KCNQ1: variants seen among roughly 807,000 people sequenced by gnomAD.
KCNQ1 encodes the protein potassium voltage-gated channel subfamily KQT member 1.
KCNQ1 carries 49 observed loss-of-function variants against 72.4 expected under a neutral mutation model. That is an observed-to-expected ratio of 0.68 (90% CI 0.54 to 0.86). The LOEUF (loss-of-function observed/expected upper bound fraction) is 0.86, where lower values mean the gene tolerates loss of function less well. Ranked by LOEUF, KCNQ1 falls within the 40% of genes least tolerant of loss-of-function variation. The probability of loss-of-function intolerance (pLI) is 0.00; values close to 1 mark genes in which losing one functional copy is unlikely to be tolerated. For synonymous variants in KCNQ1, 450 were observed against 412.6 expected, an observed-to-expected ratio of 1.09 and a Z score of -1.10; for missense variants, 790 against 945.1, an observed-to-expected ratio of 0.84 and a Z score of 2.15.
rs564150799 is a variant in KCNQ1 at position 2,680,093 on chromosome 11, T to G, written c.1514+18012T>G. 7.8e-4 allele frequency: 307 copies of G among 395,812 alleles called. 2 individuals are homozygous for G. The South Asian group carries it at 0.037, about 48-fold the overall frequency. The allele number at this position is 395,812 out of a possible 1,614,324, so 24.5% of individuals were successfully genotyped here. On this transcript the variant is annotated intron_variant, in intron 11 of 15. Transcript: ENST00000155840. ...TTTTATTAGAGACAGGGTTTCACCA[T>G]GTTGGCCAGGCTGGTCTCAAACTCC...
intron 1 of KCNQ1, among the ~76,000 whole-genome samples, chr11:2,517,386 G>C (rs978251224): frequency 1.3e-5 from 2 of 152,180 alleles, no homozygotes; most frequent in African/African-American, 2.4e-5. Context: ...ATGGCATTCT[G>C]TCTGCACCGA....
chr11:2,572,858 A>G lies in KCNQ1; in HGVS notation c.793A>G (p.Thr265Ala). ...TTTTCTGGCCTAGGAGCTGATAACC[A>G]CCCTGTACATCGGCTTCCTGGGCCT... Reference protein sequence around the residue: ...VFIHRQELITTLYIGFLGLIF... With the variant: ...VFIHRQELITALYIGFLGLIF... The change falls in exon 6 of 16, where the codon ACC becomes GCC. Residue 265 changes from threonine (T) to alanine (A), a missense_variant. By Grantham distance (58) the Thr-to-Ala change is moderately conservative (BLOSUM62 0). This residue lies in a region of KCNQ1 where 133 missense variants were observed against 219.5 expected (regional missense o/e 0.61). Transcript: ENST00000155840. 2 of 1,613,726 alleles carry G rather than the reference A, an allele frequency of 1.2e-6. No individual in the cohort carries two copies. Among genetic ancestry groups the G allele is most frequent in the Non-Finnish European group, 1.7e-6 (2 of 1,179,986 alleles).
At position 2,547,837 on chromosome 11, in the gene KCNQ1, A is replaced by T. The variant is rs1390553935; in HGVS notation, c.477+19819A>T. Among the ~76,000 whole-genome samples the T allele has an allele frequency of 6.6e-6, 1 of 152,156 alleles. No homozygotes were observed. The highest frequency in any genetic ancestry group is 2.4e-5 in the African/African-American group (1 of 41,430). On this transcript the variant is annotated intron_variant, in intron 2 of 15. Coordinates refer to ENST00000155840, the MANE Select transcript of KCNQ1 (RefSeq NM_000218.3). This position sits in a 1 kb window ranked among gnomAD's most constrained non-coding sequence, Gnocchi z 4.2. Reference sequence around the variant, plus strand: ...GCTGCGAGTCTCTGTATGGAGGTGAAGGTCCAGATGTTGGGGTTTCAGGGT... The same window carrying T: ...GCTGCGAGTCTCTGTATGGAGGTGATGGTCCAGATGTTGGGGTTTCAGGGT...
Position 2,668,513 on chromosome 11 carries a change from G to A in KCNQ1, c.1514+6432G>A. The A allele has an allele frequency of 2.5e-6, 1 of 398,560 alleles. No homozygotes were observed. Among genetic ancestry groups the A allele is most frequent in the Non-Finnish European group, 4.4e-6 (1 of 226,060 alleles). The allele number at this position is 398,560 out of a possible 1,614,324, so 24.7% of individuals were successfully genotyped here. A position where few individuals can be genotyped will look rare whatever the true frequency, so the allele number is the denominator to read the frequency against. On this transcript the variant is annotated intron_variant, in intron 11 of 15. Coordinates refer to ENST00000155840, the MANE Select transcript of KCNQ1 (RefSeq NM_000218.3). The surrounding 1 kb of genome is among the most constrained non-coding windows in gnomAD (Gnocchi z 4.3). Reference sequence around the variant, plus strand: ...TGGTGAATGTCTAGCAGCATCAAATGGTGATTTTAATTTGCAGTAACCTGT... The same window carrying A: ...TGGTGAATGTCTAGCAGCATCAAATAGTGATTTTAATTTGCAGTAACCTGT...
At chr11:2,554,623 C>T (rs564017164) in intron 2 of KCNQ1, among the ~76,000 whole-genome samples, 3 of 152,190 alleles carry the variant, frequency 2.0e-5, no homozygotes, top group African/African-American at 4.8e-5. Flanking sequence ...CCGTAAGGGG[C>T]ACGGGGGACA....
chr11:2,465,029 C>T (rs1846331485), intron 1 of KCNQ1, among the ~76,000 whole-genome samples: 1 of 152,208 alleles, frequency 6.6e-6, no homozygotes, highest in South Asian at 2.1e-4. Context: ...TCCTTTCCCC[C>T]ATCTGTAAAA....
intron 1 of KCNQ1, among the ~76,000 whole-genome samples, chr11:2,496,174 T>C (rs1302294462): frequency 1.3e-5 from 2 of 152,128 alleles, no homozygotes; most frequent in Non-Finnish European, 2.9e-5. Context: ...CAGTGGCTCA[T>C]GCCTGTAATC....
At chr11:2,505,641 G>A (rs890823741) in intron 1 of KCNQ1, among the ~76,000 whole-genome samples, 2 of 152,226 alleles carry the variant, frequency 1.3e-5, no homozygotes, top group South Asian at 2.1e-4. Flanking sequence ...TCTTTTGATC[G>A]TTAGCTGTTA....
intron 11 of KCNQ1, chr11:2,667,593 G>A (rs1416244018): frequency 2.5e-6 from 1 of 396,544 alleles, no homozygotes; most frequent in Non-Finnish European, 4.4e-6. Flanking sequence ...GGGCGGGGTT[G>A]GGCGGGGGGC....
chr11:2,553,163 T>TTTTG, intron 2 of KCNQ1, among the ~76,000 whole-genome samples: 1 of 120,790 alleles, frequency 8.3e-6, no homozygotes, highest in African/African-American at 3.8e-5. Context: ...GTTTTTTTTG[T>TTTTG]TTTTTTTTTT....
intron 11 of KCNQ1, among the ~76,000 whole-genome samples, chr11:2,738,194 G>A (rs748858758): frequency 6.6e-5 from 10 of 151,934 alleles, no homozygotes; most frequent in South Asian, 2.1e-4. Flanking sequence ...CCCCTGGCTC[G>A]GTGGGGGTGG....
At chr11:2,466,832 G>A (rs1015439193) in intron 1 of KCNQ1, among the ~76,000 whole-genome samples, 1 of 152,000 alleles carries the variant, frequency 6.6e-6, no homozygotes, top group Non-Finnish European at 1.5e-5. Context: ...AATAGTTTTA[G>A]TTTATAGAGA....
At chr11:2,791,915 G>C (rs1165794447) in intron 15 of KCNQ1, among the ~76,000 whole-genome samples, 4 of 152,246 alleles carry the variant, frequency 2.6e-5, no homozygotes, top group Admixed American at 6.5e-5. Flanking sequence ...GTCCCTGCAC[G>C]GAGCCGGTGT....
Position 2,745,064 on chromosome 11 carries a change from C to G in KCNQ1, c.1515-23780C>G, listed in dbSNP as rs1372414824. Among the ~76,000 whole-genome samples the G allele has an allele frequency of 1.3e-5, 2 of 152,142 alleles. No homozygotes were observed. Among genetic ancestry groups the G allele is most frequent in the African/African-American group, 2.4e-5 (1 of 41,428 alleles). On this transcript the variant is annotated intron_variant, in intron 11 of 15. Coordinates refer to ENST00000155840, the MANE Select transcript of KCNQ1 (RefSeq NM_000218.3). The surrounding 1 kb of genome is among the most constrained non-coding windows in gnomAD (Gnocchi z 6.2). Reference sequence around the variant, plus strand: ...CTGGTTTAGAAACGGGTTCTAATGCCCAGAAGAGCTCCTAAACCCCTATTT... The same window carrying G: ...CTGGTTTAGAAACGGGTTCTAATGCGCAGAAGAGCTCCTAAACCCCTATTT...
At position 2,562,281 on chromosome 11, in the gene KCNQ1, C is replaced by T. The variant is rs1023873025; in HGVS notation, c.478-8347C>T. Among the ~76,000 whole-genome samples, 3 of 152,156 alleles carry T rather than the reference C, an allele frequency of 2.0e-5. No homozygotes were observed. The highest frequency in any genetic ancestry group is 7.2e-5 in the African/African-American group (3 of 41,430). On this transcript the variant is annotated intron_variant, in intron 2 of 15. Transcript: ENST00000155840. The surrounding 1 kb of genome is among the most constrained non-coding windows in gnomAD (Gnocchi z 7.5). ...TGTGCCCAGCACGTCACTGGGGGCC[C>T]ACAAGCTCTCAGCACAGGCTGGCGG...
chr11:2,661,810 A>C lies in KCNQ1; in HGVS notation c.1394-151A>C, dbSNP rs2133855701. Reference sequence around the variant, plus strand: ...GCCATCTTAAACACCCACCCACCCCAACACCCAACTATAAAACTGATTGTC... The same window carrying C: ...GCCATCTTAAACACCCACCCACCCCCACACCCAACTATAAAACTGATTGTC... On this transcript the variant is annotated intron_variant, in intron 10 of 15. Coordinates refer to ENST00000155840, the MANE Select transcript of KCNQ1 (RefSeq NM_000218.3). The surrounding 1 kb of genome is among the most constrained non-coding windows in gnomAD (Gnocchi z 5.9). The C allele has an allele frequency of 1.1e-6, 1 of 909,832 alleles. No individual in the cohort carries two copies. The highest frequency in any genetic ancestry group is 1.7e-6 in the Non-Finnish European group (1 of 574,192). The allele number at this position is 909,832 out of a possible 1,614,324, so 56.4% of individuals were successfully genotyped here.
In KCNQ1 at chr11:2,579,337, C is replaced by T. The variant is rs1220191217; in HGVS notation, c.922-4098C>T. Among the ~76,000 whole-genome samples, 1 of 152,204 alleles carries T rather than the reference C, an allele frequency of 6.6e-6. No individual in the cohort carries two copies. The highest frequency in any genetic ancestry group is 2.4e-5 in the African/African-American group (1 of 41,460). On this transcript the variant is annotated intron_variant, in intron 6 of 15. Coordinates refer to ENST00000155840, the MANE Select transcript of KCNQ1 (RefSeq NM_000218.3). This position sits in a 1 kb window ranked among gnomAD's most constrained non-coding sequence, Gnocchi z 6.0. ...CAGGCCAGCAGGAGGGCGGGGGAAA[C>T]ACACTGACCAGTGGGGTGTGCGTTC...
In KCNQ1 at chr11:2,543,511, C is replaced by A. The variant is rs1486805723; in HGVS notation, c.477+15493C>A. 6.6e-6 allele frequency among the ~76,000 whole-genome samples: 1 copy of A among 152,158 alleles called. No homozygotes were observed. The highest frequency in any genetic ancestry group is 1.5e-5 in the Non-Finnish European group (1 of 68,018). ...CTGGTGTCAAACTCCTGGCCTCAAG[C>A]GATCCCCTTGCCTCGGCCTCCCAAA... On this transcript the variant is annotated intron_variant, in intron 2 of 15. Coordinates refer to ENST00000155840, the MANE Select transcript of KCNQ1 (RefSeq NM_000218.3). This position sits in a 1 kb window ranked among gnomAD's most constrained non-coding sequence, Gnocchi z 5.6.
intron 10 of KCNQ1, chr11:2,633,717 G>T (rs1328137020): frequency 5.0e-6 from 2 of 398,234 alleles, no homozygotes; most frequent in South Asian, 1.3e-4. Context: ...CTGTTCCATT[G>T]GTCTATATGT....
Sources: gnomAD v4.1 joint callset for allele counts (sites outside exome capture counted in the v4.1 genomes callset) on GRCh38, gnomAD v4.1.1 for gene constraint, gnomAD v4.1.1 regional missense constraint, Gnocchi (gnomAD v3.1) non-coding constraint, MANE v1.5 for transcripts, NCBI Gene and HGNC (gene_info 2026-07-23, HGNC 2026-07-21) for gene names.